Variants in FOXK2 observed in about 807,000 individuals in gnomAD.
FOXK2 encodes forkhead box protein K2.
FOXK2 carries 24 observed loss-of-function variants against 53.3 expected under a neutral mutation model. The observed-to-expected ratio is 0.45, with a 90% CI of 0.33 to 0.63. The LOEUF (loss-of-function observed/expected upper bound fraction) is 0.63. Among genes scored for constraint, FOXK2 ranks in the 30% least tolerant of loss-of-function variants. The pLI is 0.03. For synonymous variants in FOXK2, 505 were observed against 407.1 expected (o/e 1.24, Z -2.89); for missense variants, 952 against 910.5 (o/e 1.05, Z -0.59).
intron 2 of FOXK2, among the ~76,000 whole-genome samples, chr17:82,567,233 C>T (rs2044861787): frequency 6.6e-6 from 1 of 152,196 alleles, no homozygotes; most frequent in Non-Finnish European, 1.5e-5. Flanking sequence ...TCCCCAAACA[C>T]ACCTCTCTGA....
chr17:82,519,981 G>T lies in FOXK2; in HGVS notation c.93G>T (p.Pro31=). The stretch of plus-strand genomic sequence containing the variant: ...GCGGGGCCGGGGGCGGCGGGTCCCC[G>T]CCGGGCGGCTGGGCCGTGGCGCGCC... ...GGGGAGGGGS[P]PGGWAVARLE... Residue 31 remains proline (P), a synonymous_variant, in exon 1 of 9, where the codon CCG becomes CCT. Coordinates refer to ENST00000335255, the MANE Select transcript of FOXK2 (RefSeq NM_004514.4). 1 of 1,307,314 alleles carries T rather than the reference G, an allele frequency of 7.6e-7. No individual in the cohort carries two copies. Among genetic ancestry groups the T allele is most frequent in the Non-Finnish European group, 9.8e-7 (1 of 1,017,658 alleles). 81.0% of individuals were successfully genotyped at this position (1,307,314 alleles called of 1,614,324 possible).
chr17:82,575,403 A>C, intron 4 of FOXK2, among the ~76,000 whole-genome samples: 1 of 152,216 alleles, frequency 6.6e-6, no homozygotes, highest in East Asian at 1.9e-4. Flanking sequence ...ATAGGAAGGA[A>C]CGCCATTGTA....
chr17:82,554,749 T>TA (rs1263907659), intron 1 of FOXK2, among the ~76,000 whole-genome samples: 1 of 151,136 alleles, frequency 6.6e-6, no homozygotes, highest in African/African-American at 2.4e-5. Context: ...TTTTTTTTTT[T>TA]TTTCTTTTTT....
At chr17:82,568,481 C>G (rs878823) in intron 3 of FOXK2, among the ~76,000 whole-genome samples, 4 of 152,050 alleles carry the variant, frequency 2.6e-5, no homozygotes, top group Admixed American at 6.5e-5. Context: ...GGAGGAGTAC[C>G]TTGGTCTTTG....
At chr17:82,525,954 T>TACTTTCTTATGTGGCCTGATCCCAC (rs1567962866) in intron 1 of FOXK2, among the ~76,000 whole-genome samples, 15 of 143,488 alleles carry the variant, frequency 1.0e-4, no homozygotes, top group African/African-American at 3.9e-4. Flanking sequence ...ATCCCACACT[T>TACTTTCTTATGTGGCCTGATCCCAC]ACTTTCTTAT....
chr17:82,594,951 G>A (rs540371098), intron 8 of FOXK2, among the ~76,000 whole-genome samples: 21 of 152,284 alleles, frequency 1.4e-4, no homozygotes, highest in Admixed American at 3.3e-4. Context: ...AAGGCAGGGA[G>A]ATCGTTTGAG....
intron 1 of FOXK2, among the ~76,000 whole-genome samples, chr17:82,532,073 C>T (rs543155865): frequency 6.6e-6 from 1 of 152,126 alleles, no homozygotes; most frequent in East Asian, 1.9e-4. Context: ...TGGTCTTGAA[C>T]TCCTGAGCTC....
chr17:82,587,988 C>T (rs756801466), intron 8 of FOXK2, among the ~76,000 whole-genome samples: 5 of 152,126 alleles, frequency 3.3e-5, no homozygotes, highest in Non-Finnish European at 7.3e-5. Context: ...TCTGTGCCCA[C>T]GACACGCTTT....
intron 1 of FOXK2, among the ~76,000 whole-genome samples, chr17:82,525,014 C>T (rs1330721693): frequency 2.0e-5 from 3 of 148,270 alleles, no homozygotes; most frequent in Non-Finnish European, 3.0e-5. Flanking sequence ...CTCTGTCTGT[C>T]GCCCAGGCTG....
rs780730413 is a variant in FOXK2, at chr17:82,568,074, C to G, written c.635C>G (p.Ser212Cys). Residue 212 changes from serine to cysteine, a missense_variant, in exon 3 of 9, where the codon TCC becomes TGC. This residue lies in a region of FOXK2 where 2 missense variants were observed against 17.5 expected (regional missense o/e 0.11). Coordinates refer to ENST00000335255, the MANE Select transcript of FOXK2 (RefSeq NM_004514.4). ...GTISAANSCP[S>C]SPRGAGSSGY... ...CACAGCGCTGCAAACTCCTGCCCCT[C>G]CAGCCCCCGGGGAGCGGGGTCTTCA... The G allele has an allele frequency of 3.1e-6, 5 of 1,610,062 alleles. No homozygotes were observed. Among genetic ancestry groups the G allele is most frequent in the Non-Finnish European group, 4.2e-6 (5 of 1,179,176 alleles).
intron 1 of FOXK2, among the ~76,000 whole-genome samples, chr17:82,550,647 C>T (rs919879793): frequency 1.3e-5 from 2 of 152,052 alleles, no homozygotes; most frequent in South Asian, 4.1e-4. Flanking sequence ...GGACTACAGG[C>T]GCCCGCCACC....
intron 3 of FOXK2, among the ~76,000 whole-genome samples, chr17:82,571,121 CT>C (rs1475076102): frequency 6.6e-6 from 1 of 152,038 alleles, no homozygotes; most frequent in Non-Finnish European, 1.5e-5. Flanking sequence ...GCCTGTACCC[CT>C]GGGGTAGCTG....
At chr17:82,581,179 A>C (rs1365480159) in intron 4 of FOXK2, among the ~76,000 whole-genome samples, 2 of 152,070 alleles carry the variant, frequency 1.3e-5, no homozygotes, top group Non-Finnish European at 2.9e-5. Context: ...TTAATAGCTT[A>C]ATTTTAAATC....
At chr17:82,600,685 T>C (rs2045373268) in intron 8 of FOXK2, 1 of 152,296 alleles carries the variant, frequency 6.6e-6, no homozygotes, top group Non-Finnish European at 1.5e-5. Context: ...GGTCAGCCGT[T>C]AGCAGCCAGC....
rs61737550 is a variant in FOXK2 at position 82,523,039 on chromosome 17, C to T, written c.419+2732C>T. ...TGATCTCCTGACCTCGTGATCCACC[C>T]GCCTTGGCCTCCCAAAGTGCTGGGA... On this transcript the variant is annotated intron_variant, in intron 1 of 8. Transcript: ENST00000335255. Among the ~76,000 whole-genome samples, 1,033 of 152,220 alleles carry T rather than the reference C, an allele frequency of 6.8e-3. 14 individuals are homozygous for T. Among genetic ancestry groups the T allele is most frequent in the African/African-American group, 0.023 (950 of 41,560 alleles).
At position 82,603,076 on chromosome 17, in the gene FOXK2, T is replaced by C. The variant is rs923974622; in HGVS notation, c.*1577T>C. On this transcript the variant is annotated 3_prime_UTR_variant, in exon 9 of 9. Transcript: ENST00000335255. ...CCGTGAATTGTGTCGGCCCTCAGCA[T>C]GGGGCTGGGGCAGCGTCACTGCGGT... is the stretch of plus-strand genomic sequence containing the variant. 1.3e-5 allele frequency: 2 copies of C among 152,622 alleles called. No individual in the cohort carries two copies. The highest frequency in any genetic ancestry group is 4.8e-5 in the African/African-American group (2 of 41,472). 9.5% of individuals were successfully genotyped at this position (152,622 alleles called of 1,614,324 possible). A position where few individuals can be genotyped will look rare whatever the true frequency, so the allele number is the denominator to read the frequency against.
intron 6 of FOXK2, 120 bp downstream of exon 6, chr17:82,584,308 A>C: frequency 9.6e-7 from 1 of 1,042,288 alleles, no homozygotes; most frequent in Non-Finnish European, 1.3e-6. Flanking sequence ...ACCTTATACT[A>C]GTACCTGATT....
At chr17:82,537,340 G>T (rs1354355434) in intron 1 of FOXK2, among the ~76,000 whole-genome samples, 1 of 152,114 alleles carries the variant, frequency 6.6e-6, no homozygotes, top group Admixed American at 6.6e-5. Context: ...GACCGTAAAA[G>T]TGGATGTGAA....
intron 3 of FOXK2, among the ~76,000 whole-genome samples, chr17:82,571,462 G>A (rs545380804): frequency 2.0e-5 from 3 of 152,118 alleles, no homozygotes; most frequent in East Asian, 1.9e-4. Flanking sequence ...TTAGCCGGGC[G>A]CGGTGGCAGG....
Sources: gnomAD v4.1 joint callset for allele counts (sites outside exome capture counted in the v4.1 genomes callset) on GRCh38, gnomAD v4.1.1 for gene constraint, gnomAD v4.1.1 regional missense constraint, MANE v1.5 for transcripts, NCBI Gene and HGNC (gene_info 2026-07-23, HGNC 2026-07-21) for gene names.